The following RNLS variants were observed in gnomAD, a reference collection of about 807,000 sequenced individuals.
RNLS encodes renalase, FAD dependent amine oxidase, also known as renalase.
RNLS carries 39 observed loss-of-function variants against 39.8 expected under a neutral mutation model. The observed-to-expected ratio is 0.98, with a 90% CI of 0.76 to 1.28. The LOEUF is 1.28. Ranked by LOEUF, RNLS falls within the 50% of genes most tolerant of loss-of-function variation. The pLI, the probability that RNLS is intolerant of heterozygous loss-of-function variation, is 0.00. For missense variants in RNLS, 410 were observed against 413.3 expected (o/e 0.99, Z 0.07); for synonymous variants, 147 against 150.7 (o/e 0.98, Z 0.18).
At chr10:88,216,001 T>C in the RNLS span, among the ~76,000 whole-genome samples, 1 of 152,244 alleles carries the variant, frequency 6.6e-6, no homozygotes, top group Non-Finnish European at 1.5e-5. Flanking sequence ...CCCGGCCTCA[T>C]CTGTAATTTT....
chr10:88,545,611 A>G (rs1848263747), intron 4 of RNLS: 2 of 366,362 alleles, frequency 5.5e-6, no homozygotes, highest in Non-Finnish European at 1.1e-5. Flanking sequence ...CGTGGGGATT[A>G]TGTGAGTTAA....
At chr10:88,460,185 A>G (rs1034043839) in intron 4 of RNLS, among the ~76,000 whole-genome samples, 1 of 152,178 alleles carries the variant, frequency 6.6e-6, no homozygotes, top group African/African-American at 2.4e-5. Context: ...GCAAGATGCT[A>G]GTAAAACATC....
chr10:88,405,452 C>A (rs1338879006), intron 4 of RNLS, among the ~76,000 whole-genome samples: 2 of 151,998 alleles, frequency 1.3e-5, no homozygotes, highest in Non-Finnish European at 2.9e-5. Context: ...TATATAATGT[C>A]CATCTTTGTC....
the RNLS span, among the ~76,000 whole-genome samples, chr10:88,259,738 A>G: frequency 6.6e-6 from 1 of 152,028 alleles, no homozygotes; most frequent in Non-Finnish European, 1.5e-5. Flanking sequence ...TTAAAGATAG[A>G]CTTTTTTTGT....
intron 4 of RNLS, among the ~76,000 whole-genome samples, chr10:88,538,863 C>A (rs934289626): frequency 1.3e-5 from 2 of 152,060 alleles, no homozygotes; most frequent in Admixed American, 6.6e-5. Context: ...AAGTTACTAG[C>A]CCCATTTAAT....
At chr10:88,567,482 T>G (rs539761353) in intron 4 of RNLS, among the ~76,000 whole-genome samples, 28 of 152,352 alleles carry the variant, frequency 1.8e-4, no homozygotes, top group African/African-American at 6.5e-4. Flanking sequence ...ATGAATGTCC[T>G]GACTGATGGC....
chr10:88,500,122 T>G (rs1003908310), intron 4 of RNLS, among the ~76,000 whole-genome samples: 1 of 152,140 alleles, frequency 6.6e-6, no homozygotes, highest in African/African-American at 2.4e-5. Flanking sequence ...AGCAGGCATT[T>G]ATGTCAATGC....
chr10:88,332,744 T>C (rs916373113), intron 5 of RNLS, among the ~76,000 whole-genome samples: 1 of 152,338 alleles, frequency 6.6e-6, no homozygotes, highest in Admixed American at 6.5e-5. Context: ...GGGGAAATGA[T>C]AGAGGTGAAA....
At chr10:88,454,113 A>G (rs1165059958) in intron 4 of RNLS, among the ~76,000 whole-genome samples, 6 of 152,198 alleles carry the variant, frequency 3.9e-5, no homozygotes, top group Admixed American at 1.3e-4. Flanking sequence ...AAATACCAAC[A>G]CTTATGGGCT....
chr10:88,249,706 C>T, the RNLS span, among the ~76,000 whole-genome samples: 8 of 152,186 alleles, frequency 5.3e-5, no homozygotes, highest in African/African-American at 1.9e-4. Context: ...GTGTGACAGC[C>T]TCAGAGTGGT....
intron 4 of RNLS, among the ~76,000 whole-genome samples, chr10:88,412,170 C>T (rs925625462): frequency 4.6e-5 from 7 of 151,976 alleles, no homozygotes; most frequent in Admixed American, 2.0e-4. Flanking sequence ...GTGAGAAGGC[C>T]GCTGCAATAA....
At chr10:88,351,633 C>A (rs1478307520) in intron 5 of RNLS, among the ~76,000 whole-genome samples, 2 of 152,136 alleles carry the variant, frequency 1.3e-5, no homozygotes, top group South Asian at 2.1e-4. Flanking sequence ...GTTACTGTAG[C>A]CTTGTAGTAT....
chr10:88,201,620 T>G, the RNLS span, among the ~76,000 whole-genome samples: 1 of 152,022 alleles, frequency 6.6e-6, no homozygotes, highest in Middle Eastern at 3.2e-3. Context: ...GGTGCTACAG[T>G]TGACACCAAG....
chr10:88,447,726 C>G (rs1842126361), intron 4 of RNLS, among the ~76,000 whole-genome samples: 1 of 152,152 alleles, frequency 6.6e-6, no homozygotes, highest in Non-Finnish European at 1.5e-5. Context: ...AAGAACAAAG[C>G]TGGAGGCATC....
At chr10:88,425,791 A>T (rs1854711879) in intron 4 of RNLS, among the ~76,000 whole-genome samples, 1 of 152,094 alleles carries the variant, frequency 6.6e-6, no homozygotes. Flanking sequence ...TAGAGAAAAA[A>T]ACGTTGATGT....
chr10:88,274,419 A>C (rs1209265231), exon 7 of RNLS: 3 of 152,612 alleles, frequency 2.0e-5, no homozygotes, highest in Non-Finnish European at 4.4e-5. Flanking sequence ...ACTGCTCTAG[A>C]TTCCTCATAT....
At chr10:88,582,845 C>T (rs1590065642) in intron 1 of RNLS, among the ~76,000 whole-genome samples, 1 of 149,534 alleles carries the variant, frequency 6.7e-6, no homozygotes. Context: ...GCCGGGCCCC[C>T]ACCCTCGCCC....
At chr10:88,366,710 A>G (rs1184571920) in intron 4 of RNLS, among the ~76,000 whole-genome samples, 1 of 149,778 alleles carries the variant, frequency 6.7e-6, no homozygotes, top group Non-Finnish European at 1.5e-5. Context: ...ACAGCAACCA[A>G]TTAAAAGGGC....
At chr10:88,341,106 G>A (rs1175168771) in intron 5 of RNLS, among the ~76,000 whole-genome samples, 1 of 148,446 alleles carries the variant, frequency 6.7e-6, no homozygotes, top group Admixed American at 6.7e-5. Flanking sequence ...TAGGCGGGCG[G>A]ATCACCTGAG....
Sources: allele counts gnomAD v4.1 joint callset (sites outside exome capture counted in the v4.1 genomes callset), GRCh38; gene constraint gnomAD v4.1.1; transcripts MANE v1.5; gene names NCBI Gene and HGNC (gene_info 2026-07-23, HGNC 2026-07-21).